The following KCNH5 variants were observed in gnomAD, a reference collection of about 807,000 sequenced individuals.
KCNH5 encodes voltage-gated delayed rectifier potassium channel KCNH5.
In KCNH5, 46 loss-of-function variants were observed where a neutral mutation model predicts 96.1. The observed-to-expected ratio is 0.48, with a 90% CI of 0.38 to 0.61. The LOEUF is 0.61. Among genes scored for constraint, KCNH5 ranks in the 20% least tolerant of loss-of-function variants. The pLI, the probability that KCNH5 is intolerant of heterozygous loss-of-function variation, is 0.00. For synonymous variants in KCNH5, 439 were observed against 449.8 expected (o/e 0.98, Z 0.30); for missense variants, 907 against 1,225.8 (o/e 0.74, Z 3.88).
intron 10 of KCNH5, among the ~76,000 whole-genome samples, chr14:62,710,997 ATGCAGAGACTATAATGAAAGAT>A (rs2139902448): frequency 6.6e-6 from 1 of 152,340 alleles, no homozygotes; most frequent in South Asian, 2.1e-4. Context: ...ATGTCCTGCC[ATGCAGAGACTATAATGAAAGAT>A]TTGGTATTAC....
chr14:63,031,469 CAGGAGAAAAAAAA>C (rs1161547319), intron 1 of KCNH5, among the ~76,000 whole-genome samples: 1 of 151,770 alleles, frequency 6.6e-6, no homozygotes, highest in Non-Finnish European at 1.5e-5. Flanking sequence ...ATAGCAATTC[CAGGAGAAAAAAAA>C]TGATTTCCTC....
At chr14:62,754,667 G>A (rs1885579533) in intron 10 of KCNH5, among the ~76,000 whole-genome samples, 1 of 151,848 alleles carries the variant, frequency 6.6e-6, no homozygotes, top group Admixed American at 6.6e-5. Context: ...ATGGTCAGGA[G>A]TTCACGACCA....
chr14:62,860,828 A>G (rs1106722), intron 7 of KCNH5, among the ~76,000 whole-genome samples: 18,455 of 152,192 alleles, frequency 0.12, 2,624 homozygotes, highest in African/African-American at 0.34. Flanking sequence ...CTTAGGCACT[A>G]AGCCACAATC....
chr14:62,712,978 G>A (rs1027370380), intron 10 of KCNH5, among the ~76,000 whole-genome samples: 11 of 151,968 alleles, frequency 7.2e-5, no homozygotes, highest in Non-Finnish European at 8.8e-5. Flanking sequence ...GAGCAGGGAG[G>A]GTCAAAGAAT....
At chr14:62,860,651 T>C (rs1299848355) in intron 7 of KCNH5, among the ~76,000 whole-genome samples, 1 of 152,166 alleles carries the variant, frequency 6.6e-6, no homozygotes, top group Non-Finnish European at 1.5e-5. Context: ...CAGCTACCTC[T>C]TAGTGCCCAT....
At position 62,706,130 on chromosome 14, in the gene KCNH5, T is replaced by A. The variant is rs1472681918; in HGVS notation, c.*1378A>T. On this transcript the variant is annotated 3_prime_UTR_variant, in exon 11 of 11. Transcript: ENST00000322893. The stretch of plus-strand genomic sequence containing the variant: ...TAGCTATATACAGGACAACTCTTTG[T>A]GACTTTTTTTAAAAACTTGATAATA... 6.6e-6 allele frequency: 1 copy of A among 152,136 alleles called. No homozygotes were observed. Among genetic ancestry groups the A allele is most frequent in the African/African-American group, 2.4e-5 (1 of 41,454 alleles). The allele number at this position is 152,136 out of a possible 1,614,324, so 9.4% of individuals were successfully genotyped here.
rs1025839588 is a variant in KCNH5, at chr14:62,700,056, A to C, written c.*7452T>G. Reference sequence around the variant, plus strand: ...GGTTGCAGTGACAAAAACATTTAAGAAGTTGCAAAATTAATTCCCATAGTA... The same window carrying C: ...GGTTGCAGTGACAAAAACATTTAAGCAGTTGCAAAATTAATTCCCATAGTA... On this transcript the variant is annotated 3_prime_UTR_variant, in exon 11 of 11. Coordinates refer to ENST00000322893, the MANE Select transcript of KCNH5 (RefSeq NM_139318.5). 6.6e-6 allele frequency: 1 copy of C among 152,284 alleles called. No homozygotes were observed. The highest frequency in any genetic ancestry group is 2.4e-5 in the African/African-American group (1 of 41,562). The allele number at this position is 152,284 out of a possible 1,614,324, so 9.4% of individuals were successfully genotyped here.
At chr14:62,727,775 T>TAAAAAAAAAAA (rs79827478) in intron 10 of KCNH5, among the ~76,000 whole-genome samples, 1 of 116,062 alleles carries the variant, frequency 8.6e-6, no homozygotes. Context: ...TACAGTCTGG[T>TAAAAAAAAAAA]AAAAAAAAAA....
At chr14:62,769,869 G>C (rs1283219419) in intron 10 of KCNH5, among the ~76,000 whole-genome samples, 1 of 152,136 alleles carries the variant, frequency 6.6e-6, no homozygotes, top group Non-Finnish European at 1.5e-5. Context: ...TCATTGTTTA[G>C]TTGAAAAATA....
chr14:62,931,554 G>T (rs923252253), intron 7 of KCNH5, among the ~76,000 whole-genome samples: 1 of 152,148 alleles, frequency 6.6e-6, no homozygotes, highest in African/African-American at 2.4e-5. Flanking sequence ...AAGCTGGAAA[G>T]CATAGGACAA....
intron 6 of KCNH5, among the ~76,000 whole-genome samples, chr14:62,961,363 C>T (rs1890201820): frequency 6.6e-6 from 1 of 152,164 alleles, no homozygotes; most frequent in Non-Finnish European, 1.5e-5. Context: ...TCCCTACCCA[C>T]CAACCGTTTC....
chr14:62,895,871 C>T (rs1006126527), intron 7 of KCNH5, among the ~76,000 whole-genome samples: 11 of 152,170 alleles, frequency 7.2e-5, no homozygotes, highest in Non-Finnish European at 1.5e-4. Flanking sequence ...ATAGCCTAGT[C>T]TACTTTGAAC....
intron 5 of KCNH5, among the ~76,000 whole-genome samples, chr14:62,983,793 T>C (rs1890655477): frequency 6.6e-6 from 1 of 152,198 alleles, no homozygotes; most frequent in Non-Finnish European, 1.5e-5. Context: ...TCAGAGAATC[T>C]ATATTTTCAA....
chr14:63,007,434 T>C (rs1217548131), intron 2 of KCNH5, among the ~76,000 whole-genome samples: 1 of 152,160 alleles, frequency 6.6e-6, no homozygotes, highest in Non-Finnish European at 1.5e-5. Flanking sequence ...ATAAGTTTTT[T>C]AAGAAGAAAT....
At chr14:62,886,152 A>G (rs1382300444) in intron 7 of KCNH5, among the ~76,000 whole-genome samples, 9 of 122,964 alleles carry the variant, frequency 7.3e-5, no homozygotes, top group South Asian at 6.0e-4. Context: ...ACACACACAC[A>G]CACACACAAG....
chr14:62,866,720 A>G (rs1042635991), intron 7 of KCNH5, among the ~76,000 whole-genome samples: 3 of 152,112 alleles, frequency 2.0e-5, no homozygotes, highest in Non-Finnish European at 4.4e-5. Context: ...CTTTCACTTT[A>G]CAGGTGCTTT....
rs149914760 is a variant in KCNH5, at chr14:62,902,881, G to A, written c.1369+47252C>T. 1.9e-3 allele frequency among the ~76,000 whole-genome samples: 296 copies of A among 151,934 alleles called. 6 individuals are homozygous for A. Among genetic ancestry groups the A allele is most frequent in the African/African-American group, 6.8e-3 (280 of 41,438 alleles). On this transcript the variant is annotated intron_variant, in intron 7 of 10. Transcript: ENST00000322893. ...ATTACAGGCGGTGCCACCACCCCTG[G>A]CTAATTTTTTGTATTTTTAGTAGAG...
chr14:63,002,818 C>T (rs1310943887), intron 3 of KCNH5, among the ~76,000 whole-genome samples: 3 of 152,030 alleles, frequency 2.0e-5, no homozygotes, highest in Admixed American at 2.0e-4. Flanking sequence ...AGGACGTGGC[C>T]CTTTCCAAAA....
chr14:62,720,193 T>G (rs1054824833), intron 10 of KCNH5, among the ~76,000 whole-genome samples: 1 of 152,074 alleles, frequency 6.6e-6, no homozygotes, highest in African/African-American at 2.4e-5. Flanking sequence ...TCAAGCACAT[T>G]AAGGAAGATA....
Sources: gnomAD v4.1 joint callset for allele counts (sites outside exome capture counted in the v4.1 genomes callset) on GRCh38, gnomAD v4.1.1 for gene constraint, MANE v1.5 for transcripts, NCBI Gene and HGNC (gene_info 2026-07-23, HGNC 2026-07-21) for gene names.